Variants in SLC22A25 observed in about 807,000 individuals in gnomAD.
The protein encoded by SLC22A25 is MGI:2442751, MGI:2385316, MGI:3042283, MGI:3645714, MGI:3605624, MGI:2442750.
A neutral mutation model predicts 45.9 loss-of-function variants in SLC22A25; 44 were observed. The observed-to-expected ratio is 0.96, with a 90% CI of 0.75 to 1.23. The LOEUF (loss-of-function observed/expected upper bound fraction) is 1.23, where lower values mean the gene tolerates loss of function less well. Among genes scored for constraint, SLC22A25 ranks in the 50% most tolerant of loss-of-function variants. The probability of loss-of-function intolerance (pLI) is 0.00; values close to 1 mark genes in which losing one functional copy is unlikely to be tolerated. For missense variants in SLC22A25, 800 were observed against 666.4 expected (o/e 1.20, Z -2.21); for synonymous variants, 283 against 238.6 (o/e 1.19, Z -1.72).
intron 9 of SLC22A25, among the ~76,000 whole-genome samples, chr11:63,177,864 A>AATATGTAT (rs1554969848): frequency 9.7e-5 from 3 of 31,080 alleles, no homozygotes; most frequent in Non-Finnish European, 1.5e-4. Flanking sequence ...GTATATATAT[A>AATATGTAT]ATATATATAA....
rs549734197 is a variant in SLC22A25, at chr11:63,211,627, A to T, written c.830+5687T>A. On this transcript the variant is annotated intron_variant, in intron 7 of 11. Transcript: ENST00000306494. ...TTGGCTAGCCATATGTAGAAAGCTG[A>T]AACTGGATCCCTTCCTTACACCTTA... Among the ~76,000 whole-genome samples, 560 of 152,304 alleles carry T rather than the reference A, an allele frequency of 3.7e-3. 4 individuals carry two copies. Among genetic ancestry groups the T allele is most frequent in the African/African-American group, 0.013 (527 of 41,560 alleles).
At chr11:63,239,994 G>C (rs2090222158) in intron 1 of SLC22A25, among the ~76,000 whole-genome samples, 1 of 152,134 alleles carries the variant, frequency 6.6e-6, no homozygotes, top group Non-Finnish European at 1.5e-5. Flanking sequence ...TGATTTTGTT[G>C]TGTGAACATC....
chr11:63,178,411 C>T (rs2088194722), intron 9 of SLC22A25, among the ~76,000 whole-genome samples: 1 of 151,558 alleles, frequency 6.6e-6, no homozygotes, highest in African/African-American at 2.4e-5. Context: ...TGCATAGTGG[C>T]TGTACTGATT....
rs979270915 is a variant in SLC22A25 at position 63,185,803 on chromosome 11, T to C, written c.831-1986A>G. Among the ~76,000 whole-genome samples, 16 of 146,888 alleles carry C rather than the reference T, an allele frequency of 1.1e-4. 1 individual carries two copies. Among genetic ancestry groups the C allele is most frequent in the Admixed American group, 4.1e-4 (6 of 14,538 alleles). On this transcript the variant is annotated intron_variant, in intron 7 of 11. Coordinates refer to ENST00000306494, the MANE Select transcript of SLC22A25 (RefSeq NM_199352.6). ...GTGAGAATATGCGGTGTTTGGTTTT[T>C]TGTTCTTGCGATAGTTTACTGAGAA...
chr11:63,230,749 C>T (rs560589079), intron 3 of SLC22A25, among the ~76,000 whole-genome samples: 21 of 152,186 alleles, frequency 1.4e-4, no homozygotes, highest in Non-Finnish European at 2.6e-4. Context: ...GCGCTGCACC[C>T]ATTAACAAGT....
At chr11:63,207,844 A>G (rs1253673572) in intron 7 of SLC22A25, among the ~76,000 whole-genome samples, 1 of 152,176 alleles carries the variant, frequency 6.6e-6, no homozygotes, top group African/African-American at 2.4e-5. Flanking sequence ...GATGTAATGC[A>G]TGTCTTAATT....
chr11:63,191,077 TAGAC>T (rs1230191767), intron 7 of SLC22A25, among the ~76,000 whole-genome samples: 2 of 151,270 alleles, frequency 1.3e-5, no homozygotes, highest in African/African-American at 4.8e-5. Flanking sequence ...TCAAAGCTGT[TAGAC>T]AGGGACATTT....
intron 3 of SLC22A25, among the ~76,000 whole-genome samples, chr11:63,231,549 C>A (rs1009384108): frequency 4.6e-5 from 7 of 152,100 alleles, no homozygotes; most frequent in Admixed American, 4.6e-4. Flanking sequence ...GGATATTAGC[C>A]CTTTGTCAGA....
At chr11:63,191,381 C>T (rs192829816) in intron 7 of SLC22A25, among the ~76,000 whole-genome samples, 7 of 152,316 alleles carry the variant, frequency 4.6e-5, no homozygotes, top group Admixed American at 3.3e-4. Context: ...ATGCCGTTTG[C>T]TAAGACCATT....
intron 3 of SLC22A25, among the ~76,000 whole-genome samples, chr11:63,233,984 C>A (rs1380957425): frequency 6.6e-6 from 1 of 152,158 alleles, no homozygotes; most frequent in Non-Finnish European, 1.5e-5. Flanking sequence ...AGTTTGATTG[C>A]ACTGTGGCCT....
In SLC22A25 at chr11:63,166,236, A is replaced by G; in HGVS notation, c.1093T>C (p.Trp365Arg). ...FVRFASTIPF[W>R]GLTLHLQHLG... The stretch of plus-strand genomic sequence containing the variant: ...TGCTGGAGGTGCAAAGTAAGGCCCC[A>G]AAAAGGGATGGTACTTGCAAATCTG... The change falls in exon 10 of 12, where the codon TGG becomes CGG. Residue 365 changes from tryptophan (W) to arginine (R), a missense_variant. Coordinates refer to ENST00000306494, the MANE Select transcript of SLC22A25 (RefSeq NM_199352.6). 1 of 1,613,960 alleles carries G rather than the reference A, an allele frequency of 6.2e-7. No homozygotes were observed. The highest frequency in any genetic ancestry group is 1.3e-5 in the African/African-American group (1 of 75,054).
intron 7 of SLC22A25, among the ~76,000 whole-genome samples, chr11:63,193,723 G>T (rs2088897388): frequency 6.6e-6 from 1 of 152,240 alleles, no homozygotes; most frequent in Non-Finnish European, 1.5e-5. Context: ...GAGCAGAAAA[G>T]CTGAAAATTC....
intron 3 of SLC22A25, among the ~76,000 whole-genome samples, chr11:63,237,425 C>T (rs1466538054): frequency 6.6e-6 from 1 of 152,112 alleles, no homozygotes; most frequent in African/African-American, 2.4e-5. Context: ...AAATCCAGCC[C>T]CCATTCTCTG....
intron 7 of SLC22A25, among the ~76,000 whole-genome samples, chr11:63,200,848 TC>T (rs2089217179): frequency 1.3e-5 from 2 of 152,102 alleles, no homozygotes; most frequent in Non-Finnish European, 2.9e-5. Flanking sequence ...TCACTAGCAT[TC>T]CTGTACACCA....
Position 63,160,473 on chromosome 11 carries a change from G to A in SLC22A25, c.*3351C>T, listed in dbSNP as rs551627830. On this transcript the variant is annotated 3_prime_UTR_variant, in exon 12 of 12. Transcript: ENST00000306494. ...TGGGAACCTCCACCTAGATTTCAGA[G>A]GATGTATGGAAATGCCTGGATGCCC... Among the ~76,000 whole-genome samples, 1 of 152,328 alleles carries A rather than the reference G, an allele frequency of 6.6e-6. No individual in the cohort carries two copies. Among genetic ancestry groups the A allele is most frequent in the South Asian group, 2.1e-4 (1 of 4,830 alleles).
At chr11:63,214,163 G>A (rs550162534) in intron 7 of SLC22A25, among the ~76,000 whole-genome samples, 1 of 152,052 alleles carries the variant, frequency 6.6e-6, no homozygotes, top group Non-Finnish European at 1.5e-5. Context: ...CCCTCTGGTG[G>A]GTTCTTGCTT....
chr11:63,208,794 G>A (rs541512690), intron 7 of SLC22A25, among the ~76,000 whole-genome samples: 235 of 152,250 alleles, frequency 1.5e-3, no homozygotes, highest in Non-Finnish European at 2.4e-3. Flanking sequence ...GCATATGGCT[G>A]ATAGGACCAG....
At chr11:63,187,995 T>A (rs2088630889) in intron 7 of SLC22A25, among the ~76,000 whole-genome samples, 1 of 152,162 alleles carries the variant, frequency 6.6e-6, no homozygotes, top group South Asian at 2.1e-4. Context: ...GGGATATTGG[T>A]CTAAAATTCT....
Position 63,218,372 on chromosome 11 carries a change from A to T in SLC22A25, c.507-637T>A. On this transcript the variant is annotated intron_variant, in intron 5 of 11. Transcript: ENST00000306494. ...AGAGTTGGCAGGGAGGGAGGGGAAA[A>T]GGGTTTGAGAAACTACCAATTGGGT... The T allele has an allele frequency of 1.8e-5, 4 of 228,382 alleles. No homozygotes were observed. The South Asian group carries it at 2.6e-4, about 15-fold the overall frequency. 14.1% of individuals were successfully genotyped at this position (228,382 alleles called of 1,614,324 possible). A position where few individuals can be genotyped will look rare whatever the true frequency, so the allele number is the denominator to read the frequency against.
Sources: allele counts gnomAD v4.1 joint callset (sites outside exome capture counted in the v4.1 genomes callset), GRCh38; gene constraint gnomAD v4.1.1; transcripts MANE v1.5; gene names NCBI Gene and HGNC (gene_info 2026-07-23, HGNC 2026-07-21).